MICAL2: variants seen among roughly 807,000 people sequenced by gnomAD.
MICAL2 encodes [F-actin]-monooxygenase MICAL2.
Under a neutral mutation model 127.3 loss-of-function variants are expected in MICAL2, and 77 were observed. That is an observed-to-expected ratio of 0.60 (90% CI 0.50 to 0.73). The LOEUF (loss-of-function observed/expected upper bound fraction) is 0.73. Among genes scored for constraint, MICAL2 ranks in the 30% least tolerant of loss-of-function variants. The pLI is 0.00. For synonymous variants in MICAL2, 570 were observed against 551.1 expected (o/e 1.03, Z -0.48); for missense variants, 1,351 against 1,434.4 (o/e 0.94, Z 0.94).
intron 4 of MICAL2, among the ~76,000 whole-genome samples, chr11:12,204,772 CAG>C (rs1320234348): frequency 6.6e-6 from 1 of 152,148 alleles, no homozygotes; most frequent in Admixed American, 6.5e-5. Context: ...TTGAGTGAAA[CAG>C]AGAAACAGAG....
intron 32 of MICAL2, among the ~76,000 whole-genome samples, chr11:12,340,016 G>A (rs572755155): frequency 5.8e-4 from 89 of 152,276 alleles, no homozygotes; most frequent in Middle Eastern, 6.8e-3. Flanking sequence ...CGTCGCTCAC[G>A]CTGGGAGCTA....
chr11:12,242,202 CCT>C lies in MICAL2; in HGVS notation c.2338-9_2338-8del, dbSNP rs774430701. 1 of 1,588,954 alleles carries C rather than the reference CCT, an allele frequency of 6.3e-7. No homozygotes were observed. Among genetic ancestry groups the C allele is most frequent in the Non-Finnish European group, 8.6e-7 (1 of 1,162,826 alleles). On this transcript the variant is annotated splice_polypyrimidine_tract_variant and intron_variant, in intron 18 of 27. Coordinates refer to ENST00000683283, the MANE Select transcript of MICAL2 (RefSeq NM_001282663.2). ...CAGTAGGGAAGGAAGCTTAATTTTC[CCT>C]CTTTCCCAGTTCCCCTCTGTGGTCG... is the stretch of plus-strand genomic sequence containing the variant.
chr11:12,128,800 G>T (rs1851161958), intron 1 of MICAL2, among the ~76,000 whole-genome samples: 1 of 152,228 alleles, frequency 6.6e-6, no homozygotes, highest in South Asian at 2.1e-4. Flanking sequence ...TACCAGCCAT[G>T]TAAGTCCAAG....
chr11:12,152,573 T>A (rs142294352), intron 2 of MICAL2, among the ~76,000 whole-genome samples: 1 of 151,704 alleles, frequency 6.6e-6, no homozygotes, highest in East Asian at 1.9e-4. Context: ...TTCCCTGGGG[T>A]GTTGAAGAAT....
exon 2 of MICAL2, chr11:12,281,080 G>A: frequency 5.0e-6 from 2 of 398,996 alleles, no homozygotes; most frequent in Non-Finnish European, 8.8e-6. Context: ...AGTGCCCTGA[G>A]GAGCCCAGAG....
chr11:12,189,976 A>T (rs542089629), intron 3 of MICAL2, among the ~76,000 whole-genome samples: 1 of 152,324 alleles, frequency 6.6e-6, no homozygotes, highest in South Asian at 2.1e-4. Flanking sequence ...ATGGTGTAGG[A>T]TTGGAGCCTC....
chr11:12,274,087 A>G (rs1282631859), upstream of MICAL2, among the ~76,000 whole-genome samples: 1 of 152,212 alleles, frequency 6.6e-6, no homozygotes, highest in African/African-American at 2.4e-5. Flanking sequence ...CTTTCAGCAT[A>G]TTTAAATATA....
At chr11:12,335,620 T>G (rs908094686) in intron 32 of MICAL2, among the ~76,000 whole-genome samples, 1 of 152,224 alleles carries the variant, frequency 6.6e-6, no homozygotes, top group Non-Finnish European at 1.5e-5. Flanking sequence ...CATCTTGAAT[T>G]AATTTTTGTA....
chr11:12,345,712 C>A (rs1938943507), intron 32 of MICAL2, among the ~76,000 whole-genome samples: 1 of 152,120 alleles, frequency 6.6e-6, no homozygotes, highest in Admixed American at 6.5e-5. Context: ...GTGGAAAGGC[C>A]AGAGTTCATT....
At chr11:12,202,543 A>C (rs1234973277) in intron 3 of MICAL2, among the ~76,000 whole-genome samples, 1 of 152,244 alleles carries the variant, frequency 6.6e-6, no homozygotes. Flanking sequence ...ATGTAGGCTA[A>C]AATAATAATT....
At chr11:12,186,803 A>G (rs912218786) in intron 3 of MICAL2, among the ~76,000 whole-genome samples, 2 of 152,202 alleles carry the variant, frequency 1.3e-5, no homozygotes, top group Non-Finnish European at 2.9e-5. Flanking sequence ...CCCAGACATC[A>G]GCGGCAGGGA....
At chr11:12,294,212 C>T (rs113699594), downstream of MICAL2, 6 of 1,613,898 alleles carry the variant, frequency 3.7e-6, no homozygotes, top group Admixed American at 3.3e-5. Context: ...TCAAGGGGAG[C>T]GAAACGTGCC....
At chr11:12,338,437 G>A (rs1456996886) in intron 32 of MICAL2, among the ~76,000 whole-genome samples, 12 of 152,100 alleles carry the variant, frequency 7.9e-5, no homozygotes, top group Admixed American at 1.3e-4. Context: ...TTTAATTGGC[G>A]CATTTAGCCC....
At position 12,305,626 on chromosome 11, in the gene MICAL2, C is replaced by T. The variant is rs941752054; in HGVS notation, c.5212+10769C>T. ...GTAATAAAAGTTGTGTGCCTGTGACCTAGCTCTCACAAAATATCTTACTGT... is the reference window on the plus strand; with the variant it reads ...GTAATAAAAGTTGTGTGCCTGTGACTTAGCTCTCACAAAATATCTTACTGT... On this transcript the variant is annotated intron_variant, in intron 29 of 34. Transcript: ENST00000646065. 4.6e-5 allele frequency among the ~76,000 whole-genome samples: 7 copies of T among 152,178 alleles called. No individual in the cohort carries two copies. In the South Asian group the frequency reaches 6.2e-4, roughly 13 times the overall value.
chr11:12,218,478 G>T (rs900378663), intron 8 of MICAL2, among the ~76,000 whole-genome samples: 4 of 152,184 alleles, frequency 2.6e-5, no homozygotes, highest in African/African-American at 9.7e-5. Flanking sequence ...AGGCGTCCAC[G>T]CCAGGCACTG....
chr11:12,354,251 C>T (rs746073731), intron 33 of MICAL2, among the ~76,000 whole-genome samples: 17 of 152,140 alleles, frequency 1.1e-4, no homozygotes, highest in African/African-American at 3.9e-4. Flanking sequence ...CCAAGGAGGG[C>T]GGGTCACCTG....
At chr11:12,200,625 G>A (rs954267025) in intron 3 of MICAL2, among the ~76,000 whole-genome samples, 3 of 152,208 alleles carry the variant, frequency 2.0e-5, no homozygotes, top group Non-Finnish European at 4.4e-5. Flanking sequence ...AATTAGGCCC[G>A]TTGGTATTTG....
chr11:12,209,591 C>G lies in MICAL2; in HGVS notation c.684C>G (p.Thr228=), dbSNP rs1565167252. ...TTGGTGCCGATGGCCGCAGGAACAC[C>G]CTGGAAGGTGAAGACTCTTCTTCTT... The part of the protein sequence containing the change: ...VIIGADGRRN[T]LEGFRRKEFR... Residue 228 remains threonine, a synonymous_variant, in exon 6 of 28, where the codon ACC becomes ACG. Coordinates refer to ENST00000683283, the MANE Select transcript of MICAL2 (RefSeq NM_001282663.2). 1 of 1,612,968 alleles carries G rather than the reference C, an allele frequency of 6.2e-7. No individual in the cohort carries two copies. Among genetic ancestry groups the G allele is most frequent in the East Asian group, 2.2e-5 (1 of 44,880 alleles).
At position 12,327,185 on chromosome 11, in the gene MICAL2, C is replaced by T. The variant is rs1159985297; in HGVS notation, c.5434C>T (p.Gln1812Ter). 4 of 1,551,768 alleles carry T rather than the reference C, an allele frequency of 2.6e-6. No individual in the cohort carries two copies. The highest frequency in any genetic ancestry group is 2.0e-5 in the Admixed American group (1 of 51,028). ...CCTGGTGTTGCAGGCCATCCAGAGG[C>T]AGCTGGAGGAGGTGGAGGAGCGGCA... The change falls in exon 32 of 35, where the codon CAG (glutamine) becomes TAG (stop). Residue 1812 changes from glutamine to a stop codon, truncating the protein, a stop_gained. Coordinates refer to the MICAL2 transcript ENST00000646065. LOFTEE classifies it high-confidence loss of function.
Sources: gnomAD v4.1 joint callset for allele counts (sites outside exome capture counted in the v4.1 genomes callset) on GRCh38, gnomAD v4.1.1 for gene constraint, MANE v1.5 for transcripts, NCBI Gene and HGNC (gene_info 2026-07-23, HGNC 2026-07-21) for gene names.